The following TSPAN18 variants were observed in gnomAD, a reference collection of about 807,000 sequenced individuals.
TSPAN18 encodes tetraspanin 18.
In TSPAN18, 14 loss-of-function variants were observed where a neutral mutation model predicts 27.3. The observed-to-expected ratio is 0.51, with a 90% CI of 0.34 to 0.80. TSPAN18 has a LOEUF of 0.80. Among genes scored for constraint, TSPAN18 ranks in the 30% least tolerant of loss-of-function variants. The pLI, the probability that TSPAN18 is intolerant of heterozygous loss-of-function variation, is 0.01. For missense variants in TSPAN18, 268 were observed against 323.9 expected (o/e 0.83, Z 1.32); for synonymous variants, 143 against 136.5 (o/e 1.05, Z -0.33).
intron 8 of TSPAN18, among the ~76,000 whole-genome samples, chr11:44,923,672 T>C (rs1451464999): frequency 6.6e-6 from 1 of 152,042 alleles, no homozygotes; most frequent in African/African-American, 2.4e-5. Flanking sequence ...TAGCCACTGC[T>C]CCTCCCTCCC....
intron 3 of TSPAN18, among the ~76,000 whole-genome samples, chr11:44,874,023 A>G (rs1196672951): frequency 6.6e-6 from 1 of 152,134 alleles, no homozygotes; most frequent in Admixed American, 6.5e-5. Flanking sequence ...CAGCCTGGGA[A>G]TGGCCCTACA....
chr11:44,809,905 T>A (rs1856677174), intron 2 of TSPAN18, among the ~76,000 whole-genome samples: 1 of 152,190 alleles, frequency 6.6e-6, no homozygotes, highest in Admixed American at 6.5e-5. Context: ...TACTTTCTTA[T>A]CTAGCACCCA....
intron 3 of TSPAN18, among the ~76,000 whole-genome samples, chr11:44,882,740 G>A (rs1786904019): frequency 6.6e-6 from 1 of 152,120 alleles, no homozygotes; most frequent in African/African-American, 2.4e-5. Flanking sequence ...CCTGGCACAT[G>A]GGACTCAAGG....
In TSPAN18 at chr11:44,812,359, G is replaced by A. The variant is rs777724536; in HGVS notation, c.-153+47847G>A. Among the ~76,000 whole-genome samples the A allele has an allele frequency of 2.0e-5, 3 of 152,322 alleles. No homozygotes were observed. In the South Asian group the frequency reaches 6.2e-4, roughly 32 times the overall value. ...GGTGCATATTAGGGCTCAGATCTGT[G>A]ATTGTTGTTACTATGCCCTTTCCCT... On this transcript the variant is annotated intron_variant, in intron 2 of 9. Coordinates refer to ENST00000520358, the MANE Select transcript of TSPAN18 (RefSeq NM_130783.5).
intron 2 of TSPAN18, among the ~76,000 whole-genome samples, chr11:44,811,176 C>CACACA (rs1390828596): frequency 8.0e-6 from 1 of 125,652 alleles, no homozygotes; most frequent in Non-Finnish European, 1.7e-5. Flanking sequence ...ACACACACAC[C>CACACA]CCTGCCTGTG....
chr11:44,778,739 C>T (rs1216066933), intron 2 of TSPAN18, among the ~76,000 whole-genome samples: 1 of 152,330 alleles, frequency 6.6e-6, no homozygotes, highest in South Asian at 2.1e-4. Context: ...CTGGGATACA[C>T]AGGTGATCCT....
At chr11:44,747,425 C>T (rs1049565034) in intron 1 of TSPAN18, among the ~76,000 whole-genome samples, 1 of 152,138 alleles carries the variant, frequency 6.6e-6, no homozygotes, top group South Asian at 2.1e-4. Flanking sequence ...GGAAAATGGG[C>T]GTGAATCATA....
chr11:44,746,979 T>C (rs1425565371), intron 1 of TSPAN18, among the ~76,000 whole-genome samples: 2 of 152,178 alleles, frequency 1.3e-5, no homozygotes, highest in Non-Finnish European at 2.9e-5. Context: ...GGGAAACCCA[T>C]TCTTGGGGCC....
intron 9 of TSPAN18, among the ~76,000 whole-genome samples, chr11:44,928,133 G>A (rs908693766): frequency 6.6e-6 from 1 of 152,136 alleles, no homozygotes; most frequent in Non-Finnish European, 1.5e-5. Context: ...CTCTGGCCGT[G>A]AGAACATCAG....
chr11:44,896,914 G>A (rs1859079338), intron 3 of TSPAN18, among the ~76,000 whole-genome samples: 1 of 152,186 alleles, frequency 6.6e-6, no homozygotes, highest in African/African-American at 2.4e-5. Flanking sequence ...GTAGGTGGGT[G>A]AGTGGGTGGG....
intron 1 of TSPAN18, among the ~76,000 whole-genome samples, chr11:44,758,897 C>T (rs577583747): frequency 1.3e-5 from 2 of 152,310 alleles, no homozygotes; most frequent in South Asian, 4.2e-4. Flanking sequence ...CTCCTCATCT[C>T]CTACCGTGTT....
At chr11:44,916,759 G>A (rs1022863672) in intron 5 of TSPAN18, among the ~76,000 whole-genome samples, 6 of 152,250 alleles carry the variant, frequency 3.9e-5, no homozygotes, top group Non-Finnish European at 8.8e-5. Context: ...CGGTCCTAAC[G>A]ACTGGGACCC....
intron 2 of TSPAN18, among the ~76,000 whole-genome samples, chr11:44,800,355 A>T (rs564203276): frequency 1.3e-5 from 2 of 152,194 alleles, no homozygotes; most frequent in South Asian, 4.2e-4. Context: ...GAGCTGGGGG[A>T]TCTGGCGGAT....
At chr11:44,801,152 G>C (rs1282011914) in intron 2 of TSPAN18, among the ~76,000 whole-genome samples, 1 of 152,190 alleles carries the variant, frequency 6.6e-6, no homozygotes, top group East Asian at 1.9e-4. Context: ...TCCAAATCAG[G>C]ATTGTCGGAT....
In TSPAN18 at chr11:44,930,896, G is replaced by A. The variant is rs1402950337; in HGVS notation, c.*1718G>A. The stretch of plus-strand genomic sequence containing the variant: ...GCTCATTCTGTCTCACAAGCCACCG[G>A]CATCCTGTATCAGCTTCCAGCCTCC... On this transcript the variant is annotated 3_prime_UTR_variant, in exon 10 of 10. Coordinates refer to ENST00000520358, the MANE Select transcript of TSPAN18 (RefSeq NM_130783.5). 1.9e-6 allele frequency: 1 copy of A among 525,284 alleles called. No homozygotes were observed. Among genetic ancestry groups the A allele is most frequent in the Non-Finnish European group, 3.9e-6 (1 of 255,828 alleles). 32.5% of individuals were successfully genotyped at this position (525,284 alleles called of 1,614,324 possible). A position where few individuals can be genotyped will look rare whatever the true frequency, so the allele number is the denominator to read the frequency against.
chr11:44,869,492 C>G (rs926879875), intron 3 of TSPAN18, among the ~76,000 whole-genome samples: 2 of 152,194 alleles, frequency 1.3e-5, no homozygotes, highest in East Asian at 1.9e-4. Context: ...CTCCACAGTG[C>G]ATAGAAGCTG....
intron 3 of TSPAN18, among the ~76,000 whole-genome samples, chr11:44,863,202 A>G (rs1048208097): frequency 2.0e-5 from 3 of 152,216 alleles, no homozygotes; most frequent in Non-Finnish European, 2.9e-5. Context: ...CTGTGCCTAG[A>G]TATAGGCCAG....
intron 4 of TSPAN18, among the ~76,000 whole-genome samples, chr11:44,907,562 C>A (rs1401365549): frequency 6.6e-6 from 1 of 152,192 alleles, no homozygotes; most frequent in Non-Finnish European, 1.5e-5. Flanking sequence ...GCCTTGCAGA[C>A]TTGAATTCTA....
At chr11:44,787,242 C>T (rs755657261) in intron 2 of TSPAN18, among the ~76,000 whole-genome samples, 6 of 152,220 alleles carry the variant, frequency 3.9e-5, no homozygotes, top group Non-Finnish European at 7.3e-5. Context: ...CACATCAACC[C>T]TGTGATGTAT....
Sources: allele counts gnomAD v4.1 joint callset (sites outside exome capture counted in the v4.1 genomes callset), GRCh38; gene constraint gnomAD v4.1.1; transcripts MANE v1.5; gene names NCBI Gene and HGNC (gene_info 2026-07-23, HGNC 2026-07-21).